Variants in VASP observed in about 807,000 individuals in gnomAD.
The protein encoded by VASP is vasodilator stimulated phosphoprotein, also known as vasodilator-stimulated phosphoprotein.
Under a neutral mutation model 54.4 loss-of-function variants are expected in VASP, and 27 were observed. That is an observed-to-expected ratio of 0.50 (90% CI 0.37 to 0.68). The LOEUF (loss-of-function observed/expected upper bound fraction) is 0.68, where lower values mean the gene tolerates loss of function less well. Ranked by LOEUF, VASP falls within the 30% of genes least tolerant of loss-of-function variation. The pLI, the probability that VASP is intolerant of heterozygous loss-of-function variation, is 0.00. For missense variants in VASP, 488 were observed against 528.3 expected (o/e 0.92, Z 0.75); for synonymous variants, 233 against 209.8 (o/e 1.11, Z -0.96).
Position 45,524,592 on chromosome 19 carries a change from A to T in VASP, c.979A>T (p.Thr327Ser). The change falls in exon 11 of 13, where the codon ACC (threonine) becomes TCC (serine). Residue 327 changes from threonine (T) to serine (S), a missense_variant. Thr to Ser is a moderately conservative substitution (Grantham distance 58). This residue lies in a region of VASP where 126 missense variants were observed against 134.8 expected (regional missense o/e 0.94). Coordinates refer to ENST00000245932, the MANE Select transcript of VASP (RefSeq NM_003370.4). The stretch of plus-strand genomic sequence containing the variant: ...CAGGATGAAGTCGTCTTCTTCGGTG[A>T]CCACTTCCGAGACCCAACCCTGCAC... ...LPRMKSSSSV[T>S]TSETQPCTPS... 6.2e-7 allele frequency: 1 copy of T among 1,613,942 alleles called. No homozygotes were observed. The highest frequency in any genetic ancestry group is 1.1e-5 in the South Asian group (1 of 91,076).
At chr19:45,508,582 C>T (rs1483012456) in intron 1 of VASP, among the ~76,000 whole-genome samples, 1 of 152,102 alleles carries the variant, frequency 6.6e-6, no homozygotes, top group East Asian at 1.9e-4. Context: ...GGGCCTTTGT[C>T]TTCCTGACTC....
intron 12 of VASP, 46 bp downstream of exon 12, chr19:45,526,049 T>TGGAGGCATCATGTCCCTGGGCA: frequency 6.2e-7 from 1 of 1,613,590 alleles, no homozygotes; most frequent in Non-Finnish European, 8.5e-7. Context: ...TTACTTATTT[T>TGGAGGCATCATGTCCCTGGGCA]GGAGGCATCA....
At chr19:45,523,384 G>A (rs758787039) in intron 7 of VASP, among the ~76,000 whole-genome samples, 3 of 151,456 alleles carry the variant, frequency 2.0e-5, no homozygotes, top group Non-Finnish European at 2.9e-5. Flanking sequence ...TGTATTTTTA[G>A]TAGACACAGG....
At chr19:45,526,113 T>C (rs1354414311) in intron 12 of VASP, 27 bp from the exon 13 acceptor site, 1 of 1,613,950 alleles carries the variant, frequency 6.2e-7, no homozygotes, top group Admixed American at 1.7e-5. Flanking sequence ...ACTCTGCCCC[T>C]GACCTCTGCT....
chr19:45,523,740 A>C, intron 8 of VASP, 45 bp downstream of exon 8: 1 of 1,613,990 alleles, frequency 6.2e-7, no homozygotes, highest in Middle Eastern at 1.6e-4. Flanking sequence ...AGGCCGTACC[A>C]TGAGGGTAGG....
chr19:45,517,912 CT>C lies in VASP; in HGVS notation c.178-14del, dbSNP rs770533910. 115 of 1,608,498 alleles carry C rather than the reference CT, an allele frequency of 7.1e-5. No individual in the cohort carries two copies. Among genetic ancestry groups the C allele is most frequent in the Middle Eastern group, 3.4e-4 (2 of 5,900 alleles). ...CCTGCGCCCGCCGCCCCTCACCCCC[CT>C]TTCCCCTCCCACCAGGTGGTCATCA... On this transcript the variant is annotated splice_polypyrimidine_tract_variant and intron_variant, in intron 2 of 12. Coordinates refer to ENST00000245932, the MANE Select transcript of VASP (RefSeq NM_003370.4).
At chr19:45,519,894 CTTTTTTTTTT>C (rs57892194) in intron 3 of VASP, among the ~76,000 whole-genome samples, 29 of 50,972 alleles carry the variant, frequency 5.7e-4, no homozygotes, top group South Asian at 8.8e-4. Context: ...TGCGCCCGGC[CTTTTTTTTTT>C]TTTTTTTTTT....
intron 7 of VASP, among the ~76,000 whole-genome samples, chr19:45,523,248 G>A (rs1000087615): frequency 8.0e-6 from 1 of 125,740 alleles, no homozygotes; most frequent in East Asian, 2.6e-4. Context: ...TGTCACCCAG[G>A]CTGGAGTGCA....
At position 45,517,819 on chromosome 19, in the gene VASP, G is replaced by A. The variant is rs1599933463; in HGVS notation, c.162G>A (p.Met54Ile). ...CCTTTCGCGTCGTGGGCCGGAAGAT[G>A]CAGCCCGACCAGCAGGTGCAGCTTC... ...ANSFRVVGRK[M>I]QPDQQVVINC... Residue 54 changes from methionine to isoleucine, a missense_variant, in exon 2 of 13, where the codon ATG (methionine) becomes ATA (isoleucine). Met to Ile is a conservative substitution (Grantham distance 10). Around this residue, in one of 4 missense-constraint regions of VASP, gnomAD observed 127 missense variants for 170.7 expected, o/e 0.74. Coordinates refer to ENST00000245932, the MANE Select transcript of VASP (RefSeq NM_003370.4). 6.2e-7 allele frequency: 1 copy of A among 1,613,590 alleles called. No individual in the cohort carries two copies. Among genetic ancestry groups the A allele is most frequent in the Non-Finnish European group, 8.5e-7 (1 of 1,179,952 alleles).
chr19:45,522,840 C>T, intron 7 of VASP, 22 bp downstream of exon 7: 1 of 1,595,956 alleles, frequency 6.3e-7, no homozygotes, highest in Non-Finnish European at 8.5e-7. Flanking sequence ...CCTGGACCCC[C>T]AAGTCACCTG....
At chr19:45,523,265 T>G (rs1290731019) in intron 7 of VASP, among the ~76,000 whole-genome samples, 1 of 141,230 alleles carries the variant, frequency 7.1e-6, no homozygotes, top group African/African-American at 2.7e-5. Flanking sequence ...TGCAGTGGTA[T>G]GATCTCGGTC....
chr19:45,512,366 GC>G (rs1968616296), intron 1 of VASP, among the ~76,000 whole-genome samples: 1 of 149,108 alleles, frequency 6.7e-6, no homozygotes, highest in Admixed American at 6.7e-5. Flanking sequence ...TCAGCTCACT[GC>G]AACCTCCACC....
At chr19:45,521,058 A>G (rs2122326101) in intron 3 of VASP, among the ~76,000 whole-genome samples, 1 of 152,350 alleles carries the variant, frequency 6.6e-6, no homozygotes, top group Middle Eastern at 3.4e-3. Context: ...AATCTGGGGC[A>G]AGTGACTGTT....
rs573926089 is a variant in VASP, at chr19:45,518,390, G to T, written c.343+296G>T. Among the ~76,000 whole-genome samples the T allele has an allele frequency of 8.3e-4, 126 of 152,158 alleles. 1 individual carries two copies. The highest frequency in any genetic ancestry group is 2.0e-3 in the Admixed American group (30 of 15,270). On this transcript the variant is annotated intron_variant, in intron 3 of 12. Coordinates refer to ENST00000245932, the MANE Select transcript of VASP (RefSeq NM_003370.4). ...TCACCGTGCCCAACATGGTGAAATT[G>T]CGTCTCTATTAAAATTCAAAAATTA...
Position 45,507,796 on chromosome 19 carries a change from C to T in VASP, c.5+20C>T, listed in dbSNP as rs1442309153. ...CATGAGGTGAGCCGGACCTGCCCCC[C>T]GACCCGTCCCCGCCCGGGCGGGCTC... On this transcript the variant is annotated intron_variant, in intron 1 of 12. Coordinates refer to ENST00000245932, the MANE Select transcript of VASP (RefSeq NM_003370.4). The surrounding 1 kb of genome is among the most constrained non-coding windows in gnomAD (Gnocchi z 4.4). 4.9e-6 allele frequency: 7 copies of T among 1,415,928 alleles called. No individual in the cohort carries two copies. The highest frequency in any genetic ancestry group is 4.5e-5 in the African/African-American group (3 of 66,070). 87.7% of individuals were successfully genotyped at this position (1,415,928 alleles called of 1,614,324 possible). A position where few individuals can be genotyped will look rare whatever the true frequency, so the allele number is the denominator to read the frequency against.
Position 45,522,564 on chromosome 19 carries a change from C to T in VASP, c.703C>T (p.Leu235Phe). ...GGCCGCAGCTATTGCTGGAGCCAAA[C>T]TCAGGAAAGTCAGCAAGGTGAGGGG... The part of the protein sequence containing the change: ...GLAAAIAGAK[L>F]RKVSKQEEAS... The change falls in exon 6 of 13, where the codon CTC becomes TTC. Residue 235 changes from leucine (L) to phenylalanine (F), a missense_variant. Leu to Phe is a conservative substitution (Grantham distance 22, BLOSUM62 0). Transcript: ENST00000245932. The T allele has an allele frequency of 6.8e-7, 1 of 1,462,650 alleles. No individual in the cohort carries two copies. Among genetic ancestry groups the T allele is most frequent in the Non-Finnish European group, 9.0e-7 (1 of 1,113,056 alleles). 90.6% of individuals were successfully genotyped at this position (1,462,650 alleles called of 1,614,324 possible).
At chr19:45,518,207 T>C (rs760675662) in intron 3 of VASP, 113 bp downstream of exon 3, 88 of 1,398,716 alleles carry the variant, frequency 6.3e-5, no homozygotes, top group Non-Finnish European at 7.7e-5. Context: ...AGCGAATTCA[T>C]TGTTATCATG....
intron 10 of VASP, 152 bp from the exon 11 acceptor site, chr19:45,524,418 A>G: frequency 1.3e-6 from 1 of 786,258 alleles, no homozygotes; most frequent in Non-Finnish European, 2.1e-6. Context: ...ACAACAAACC[A>G]AAACCAAAAA....
chr19:45,522,729 C>G lies in VASP; in HGVS notation c.732C>G (p.Ala244=). The G allele has an allele frequency of 1.2e-6, 2 of 1,604,216 alleles. No homozygotes were observed. Among genetic ancestry groups the G allele is most frequent in the African/African-American group, 2.7e-5 (2 of 74,004 alleles). The change falls in exon 7 of 13, where the codon GCC becomes GCG. Residue 244 remains alanine, a synonymous_variant. Transcript: ENST00000245932. ...KLRKVSKQEE[A]SGGPTAPKAE... The stretch of plus-strand genomic sequence containing the variant: ...TTAAATTTCTCCAGCAGGAGGAGGC[C>G]TCAGGGGGGCCCACAGCCCCCAAAG...
Sources: allele counts gnomAD v4.1 joint callset (sites outside exome capture counted in the v4.1 genomes callset), GRCh38; gene constraint gnomAD v4.1.1; regional missense constraint gnomAD v4.1.1; non-coding constraint Gnocchi (gnomAD v3.1); transcripts MANE v1.5; gene names NCBI Gene and HGNC (gene_info 2026-07-23, HGNC 2026-07-21).